Variants in PLPP1 observed in about 807,000 individuals in gnomAD.
PLPP1 encodes phospholipid phosphatase 1, also known as lipid phosphate phosphohydrolase 1a.
A neutral mutation model predicts 31.2 loss-of-function variants in PLPP1; 24 were observed. The ratio of observed to expected loss-of-function variants is 0.77; its 90% CI spans 0.56 to 1.08. The LOEUF is 1.08. Among genes scored for constraint, PLPP1 ranks in the 50% least tolerant of loss-of-function variants. The pLI is 0.00. For synonymous variants in PLPP1, 146 were observed against 126.3 expected (o/e 1.16, Z -1.05); for missense variants, 319 against 342.7 (o/e 0.93, Z 0.55).
chr5:55,475,465 T>G lies in PLPP1; in HGVS notation c.59-15A>C. On this transcript the variant is annotated splice_polypyrimidine_tract_variant and intron_variant, in intron 1 of 5. Coordinates refer to ENST00000307259, the MANE Select transcript of PLPP1 (RefSeq NM_003711.4). The stretch of plus-strand genomic sequence containing the variant: ...AGGCAATCCAGCTAGCAAAAGGGAA[T>G]AAATGAAAATATCATTAAAAAAGAA... 6.3e-7 allele frequency: 1 copy of G among 1,576,874 alleles called. No homozygotes were observed. Among genetic ancestry groups the G allele is most frequent in the South Asian group, 1.2e-5 (1 of 85,164 alleles).
intron 1 of PLPP1, among the ~76,000 whole-genome samples, chr5:55,529,597 AAATT>A (rs1292366397): frequency 3.3e-5 from 5 of 152,212 alleles, no homozygotes; most frequent in African/African-American, 1.2e-4. Context: ...TAAAGAATTA[AAATT>A]ATTACTAGTC....
chr5:55,472,785 G>A (rs189863076), intron 2 of PLPP1, among the ~76,000 whole-genome samples: 184 of 120,440 alleles, frequency 1.5e-3, no homozygotes, highest in African/African-American at 5.4e-3. Context: ...GGAAGAAGAA[G>A]AAGAAGAAAA....
intron 1 of PLPP1, among the ~76,000 whole-genome samples, chr5:55,515,988 C>A (rs1753547648): frequency 6.6e-6 from 1 of 152,122 alleles, no homozygotes; most frequent in African/African-American, 2.4e-5. Context: ...TGCCCCAAAC[C>A]AAACGATCTC....
At chr5:55,484,822 A>C (rs1161546280) in intron 1 of PLPP1, 1 of 152,232 alleles carries the variant, frequency 6.6e-6, no homozygotes, top group Non-Finnish European at 1.5e-5. Flanking sequence ...GGGGAACTAG[A>C]GATCAAGTTC....
chr5:55,460,622 G>T (rs1468452119), intron 3 of PLPP1, among the ~76,000 whole-genome samples: 1 of 152,074 alleles, frequency 6.6e-6, no homozygotes, highest in East Asian at 1.9e-4. Context: ...GCTCATAGAA[G>T]AAAACACAGA....
At chr5:55,426,514 A>G (rs1751199876) in intron 4 of PLPP1, among the ~76,000 whole-genome samples, 1 of 151,846 alleles carries the variant, frequency 6.6e-6, no homozygotes, top group South Asian at 2.1e-4. Context: ...CAATCTTTCC[A>G]TGTCAGTTTC....
At chr5:55,534,101 T>A (rs1019504498) in intron 1 of PLPP1, among the ~76,000 whole-genome samples, 3 of 152,154 alleles carry the variant, frequency 2.0e-5, no homozygotes, top group African/African-American at 7.2e-5. Context: ...CACCTTCTAA[T>A]TAGGAACTAG....
chr5:55,475,463 A>C lies in PLPP1; in HGVS notation c.59-13T>G. The C allele has an allele frequency of 6.3e-7, 1 of 1,577,936 alleles. No individual in the cohort carries two copies. ...AAAGGCAATCCAGCTAGCAAAAGGG[A>C]ATAAATGAAAATATCATTAAAAAAG... is the stretch of plus-strand genomic sequence containing the variant. On this transcript the variant is annotated splice_polypyrimidine_tract_variant and intron_variant, in intron 1 of 5. Coordinates refer to ENST00000307259, the MANE Select transcript of PLPP1 (RefSeq NM_003711.4).
At chr5:55,476,165 G>GT (rs567067082) in intron 1 of PLPP1, among the ~76,000 whole-genome samples, 3,299 of 150,056 alleles carry the variant, frequency 0.022, 48 homozygotes, top group Non-Finnish European at 0.035. Context: ...TTTTTTGGGG[G>GT]TTTTTTTTTG....
intron 4 of PLPP1, among the ~76,000 whole-genome samples, chr5:55,439,643 C>T (rs1751574943): frequency 1.3e-5 from 2 of 152,190 alleles, no homozygotes; most frequent in Admixed American, 6.5e-5. Context: ...CTGAGCAGGC[C>T]TGCCACTGAG....
At chr5:55,516,893 GGGTAATTATA>G in intron 1 of PLPP1, among the ~76,000 whole-genome samples, 1 of 152,228 alleles carries the variant, frequency 6.6e-6, no homozygotes, top group South Asian at 2.1e-4. Context: ...CTGTTATTTT[GGGTAATTATA>G]GCTTACATAA....
intron 1 of PLPP1, among the ~76,000 whole-genome samples, chr5:55,521,329 G>C (rs1753661802): frequency 7.1e-6 from 1 of 140,484 alleles, no homozygotes; most frequent in African/African-American, 2.7e-5. Flanking sequence ...ACCAGCCTGG[G>C]TGACAGAGCA....
chr5:55,495,523 T>C (rs1322331217), intron 1 of PLPP1, among the ~76,000 whole-genome samples: 3 of 152,092 alleles, frequency 2.0e-5, no homozygotes, highest in African/African-American at 4.8e-5. Context: ...AAATCTAATA[T>C]ATCAAATGCT....
In PLPP1 at chr5:55,534,692, C is replaced by T; in HGVS notation, c.-63G>A. 4 of 1,484,606 alleles carry T rather than the reference C, an allele frequency of 2.7e-6. No individual in the cohort carries two copies. The South Asian group carries it at 5.0e-5, about 19-fold the overall frequency. The allele number at this position is 1,484,606 out of a possible 1,614,324, so 92.0% of individuals were successfully genotyped here. Reference sequence around the variant, plus strand: ...GAGCTGCGGGACGGCGGCCGAGGCCCTTGATTCTCGAGCCCGGGCCGGGGC... The same window carrying T: ...GAGCTGCGGGACGGCGGCCGAGGCCTTTGATTCTCGAGCCCGGGCCGGGGC... On this transcript the variant is annotated 5_prime_UTR_variant, in exon 1 of 6. Coordinates refer to ENST00000307259, the MANE Select transcript of PLPP1 (RefSeq NM_003711.4).
intron 2 of PLPP1, among the ~76,000 whole-genome samples, chr5:55,468,670 G>T: frequency 6.6e-6 from 1 of 152,092 alleles, no homozygotes; most frequent in Non-Finnish European, 1.5e-5. Flanking sequence ...AGGCATGAAG[G>T]TGGGTGCCTG....
chr5:55,448,449 C>CTTTTTTT (rs11414425), intron 3 of PLPP1, among the ~76,000 whole-genome samples: 1 of 128,246 alleles, frequency 7.8e-6, no homozygotes, highest in Non-Finnish European at 1.6e-5. Flanking sequence ...ATTCTAGCAC[C>CTTTTTTT]TTTTTTTTTT....
intron 4 of PLPP1, among the ~76,000 whole-genome samples, chr5:55,431,175 G>A (rs1751339334): frequency 6.6e-6 from 1 of 152,170 alleles, no homozygotes. Context: ...CCCAAGTCTA[G>A]CAAGAGATTT....
At chr5:55,464,792 C>G (rs1184056495) in intron 3 of PLPP1, among the ~76,000 whole-genome samples, 3 of 152,102 alleles carry the variant, frequency 2.0e-5, no homozygotes, top group African/African-American at 4.8e-5. Flanking sequence ...AAACTTGACC[C>G]TCCGGTTGCA....
intron 4 of PLPP1, among the ~76,000 whole-genome samples, chr5:55,437,788 A>G (rs1314823913): frequency 2.0e-5 from 3 of 152,204 alleles, no homozygotes; most frequent in Non-Finnish European, 4.4e-5. Flanking sequence ...TCCCACCTCA[A>G]AATCAGACAA....
Sources: gnomAD v4.1 joint callset for allele counts (sites outside exome capture counted in the v4.1 genomes callset) on GRCh38, gnomAD v4.1.1 for gene constraint, MANE v1.5 for transcripts, NCBI Gene and HGNC (gene_info 2026-07-23, HGNC 2026-07-21) for gene names.